The following ZNF608 variants were observed in gnomAD, a reference collection of about 807,000 sequenced individuals.
ZNF608 encodes zinc finger protein 608.
Under a neutral mutation model 109.0 loss-of-function variants are expected in ZNF608, and 12 were observed. That is an observed-to-expected ratio of 0.11 (90% CI 0.07 to 0.18). The LOEUF is 0.18. ZNF608 is among the 10% of genes least tolerant of loss of function. The pLI, the probability that ZNF608 is intolerant of heterozygous loss-of-function variation, is 1.00. For missense variants in ZNF608, 1,707 were observed against 1,879.3 expected (o/e 0.91, Z 1.70); for synonymous variants, 732 against 717.4 (o/e 1.02, Z -0.33).
At chr5:124,706,186 C>T (rs1296474158) in intron 2 of ZNF608, among the ~76,000 whole-genome samples, 2 of 152,160 alleles carry the variant, frequency 1.3e-5, no homozygotes, top group African/African-American at 4.8e-5. Flanking sequence ...GGGTTGGAAT[C>T]CAGCTCTACT....
chr5:124,727,727 G>A (rs1187334468), intron 2 of ZNF608, among the ~76,000 whole-genome samples: 4 of 132,564 alleles, frequency 3.0e-5, no homozygotes, highest in Admixed American at 1.6e-4. Context: ...GCCAGCTCCA[G>A]GTATCCTTTT....
upstream of ZNF608, among the ~76,000 whole-genome samples, chr5:124,748,080 G>A (rs1749704412): frequency 1.3e-5 from 2 of 152,136 alleles, no homozygotes; most frequent in South Asian, 4.1e-4. Context: ...TGTAATGAGT[G>A]ACTATTCCCT....
At chr5:124,748,483 G>T, upstream of ZNF608, 5 of 957,310 alleles carry the variant, frequency 5.2e-6, no homozygotes, top group Non-Finnish European at 6.2e-6. Flanking sequence ...TCCCCTGCAT[G>T]AAGTCCCCGC....
At chr5:124,663,358 C>A (rs1008990805) in intron 3 of ZNF608, among the ~76,000 whole-genome samples, 7 of 152,200 alleles carry the variant, frequency 4.6e-5, no homozygotes, top group African/African-American at 1.2e-4. Flanking sequence ...ACCAGAGCGT[C>A]CAGGTCTGTT....
At chr5:124,653,864 T>C (rs1348600465) in intron 3 of ZNF608, among the ~76,000 whole-genome samples, 5 of 152,138 alleles carry the variant, frequency 3.3e-5, no homozygotes, top group African/African-American at 1.2e-4. Flanking sequence ...AAGGGCGCAA[T>C]AGCTATAAGA....
At position 124,737,667 on chromosome 5, in the gene ZNF608, T is replaced by A. The variant is rs530022697; in HGVS notation, c.906+6417A>T. On this transcript the variant is annotated intron_variant, in intron 2 of 9. Coordinates refer to ENST00000513986, the MANE Select transcript of ZNF608 (RefSeq NM_020747.3). ...AGTTCTTAAGGCAAAACCCATCATC[T>A]TTTCTACTACATTCCCAAAGGTATT... is the stretch of plus-strand genomic sequence containing the variant. Among the ~76,000 whole-genome samples, 379 of 152,322 alleles carry A rather than the reference T, an allele frequency of 2.5e-3. 2 individuals are homozygous for A. Among genetic ancestry groups the A allele is most frequent in the Non-Finnish European group, 4.2e-3 (283 of 68,028 alleles).
intron 2 of ZNF608, among the ~76,000 whole-genome samples, chr5:124,704,629 T>G (rs1753185671): frequency 1.3e-5 from 2 of 152,136 alleles, no homozygotes; most frequent in African/African-American, 4.8e-5. Context: ...GAATTTAAAT[T>G]TCTCCTATTT....
intron 2 of ZNF608, among the ~76,000 whole-genome samples, chr5:124,715,608 C>T (rs1753658393): frequency 1.3e-5 from 2 of 152,076 alleles, no homozygotes. Context: ...TTAAAAAATG[C>T]ATGCTTATTT....
intron 9 of ZNF608, among the ~76,000 whole-genome samples, chr5:124,638,246 G>A (rs538664112): frequency 3.6e-5 from 5 of 138,488 alleles, no homozygotes; most frequent in East Asian, 2.4e-4. Flanking sequence ...CACCACACCC[G>A]GCCAACAGTT....
At chr5:124,664,901 C>T (rs1017527527) in intron 3 of ZNF608, among the ~76,000 whole-genome samples, 7 of 152,216 alleles carry the variant, frequency 4.6e-5, no homozygotes, top group Non-Finnish European at 7.4e-5. Flanking sequence ...CAAGGCTGGG[C>T]GCAGTGGCTC....
chr5:124,710,103 AC>A (rs1252109238), intron 2 of ZNF608: 3 of 395,030 alleles, frequency 7.6e-6, no homozygotes, highest in African/African-American at 6.3e-5. Context: ...ATTGATAAAT[AC>A]ATTGTCCTTG....
intron 3 of ZNF608, among the ~76,000 whole-genome samples, chr5:124,677,552 G>A (rs1751996418): frequency 6.6e-6 from 1 of 152,152 alleles, no homozygotes; most frequent in African/African-American, 2.4e-5. Context: ...TCCAAAAAAG[G>A]GAAAAATACA....
rs550767591 is a variant in ZNF608, at chr5:124,713,463, C to T, written c.907-12194G>A. On this transcript the variant is annotated intron_variant, in intron 2 of 9. Transcript: ENST00000513986. ...TGACAGCAAACATTAACTTTGAACA[C>T]TTATTAAGTGGAATGTTATTCTCTC... Among the ~76,000 whole-genome samples, 9 of 152,312 alleles carry T rather than the reference C, an allele frequency of 5.9e-5. No individual in the cohort carries two copies. The East Asian group carries it at 1.7e-3, about 29-fold the overall frequency.
intron 3 of ZNF608, among the ~76,000 whole-genome samples, chr5:124,665,786 G>A (rs1212353149): frequency 6.6e-6 from 1 of 152,154 alleles, no homozygotes; most frequent in Non-Finnish European, 1.5e-5. Flanking sequence ...CCCAGCCATG[G>A]CAGATCCAGA....
chr5:124,646,463 C>CT (rs1750512286), intron 5 of ZNF608, among the ~76,000 whole-genome samples: 1 of 152,180 alleles, frequency 6.6e-6, no homozygotes, highest in Admixed American at 6.5e-5. Flanking sequence ...TCCACAGTTC[C>CT]TTTTACTATA....
At chr5:124,713,454 C>T (rs1753578058) in intron 2 of ZNF608, among the ~76,000 whole-genome samples, 1 of 152,180 alleles carries the variant, frequency 6.6e-6, no homozygotes, top group African/African-American at 2.4e-5. Flanking sequence ...CAAACATTAA[C>T]TTTGAACACT....
rs748515345 is a variant in ZNF608, at chr5:124,649,015, G to A, written c.1369C>T (p.Leu457=). ...GCCCCCCCTCTGTTCTTATTCTGCA[G>A]CCCTCTGGACTCTGTGAAGCTGGCC... ...SEASFTESRG[L]QNKNRGGANG... The change falls in exon 5 of 10, where the codon CTG becomes TTG. Residue 457 remains leucine, a synonymous_variant. Transcript: ENST00000513986. 1 of 1,614,160 alleles carries A rather than the reference G, an allele frequency of 6.2e-7. No homozygotes were observed. The highest frequency in any genetic ancestry group is 8.5e-7 in the Non-Finnish European group (1 of 1,180,022).
intron 2 of ZNF608, among the ~76,000 whole-genome samples, chr5:124,704,182 C>G (rs551370485): frequency 6.6e-6 from 1 of 152,110 alleles, no homozygotes; most frequent in Non-Finnish European, 1.5e-5. Flanking sequence ...AATAGCACTC[C>G]GATGTGATAA....
chr5:124,673,785 T>C (rs1352276026), intron 3 of ZNF608, among the ~76,000 whole-genome samples: 2 of 152,180 alleles, frequency 1.3e-5, no homozygotes, highest in African/African-American at 4.8e-5. Flanking sequence ...CAAATGCTTA[T>C]CTCTAAATCG....
Sources: gnomAD v4.1 joint callset for allele counts (sites outside exome capture counted in the v4.1 genomes callset) on GRCh38, gnomAD v4.1.1 for gene constraint, MANE v1.5 for transcripts, NCBI Gene and HGNC (gene_info 2026-07-23, HGNC 2026-07-21) for gene names.